The following PPIL6 variants were observed in gnomAD, a reference collection of about 807,000 sequenced individuals.
PPIL6 encodes probable inactive peptidyl-prolyl cis-trans isomerase-like 6.
A neutral mutation model predicts 36.8 loss-of-function variants in PPIL6; 39 were observed. That is an observed-to-expected ratio of 1.06 (90% CI 0.82 to 1.38). The LOEUF (loss-of-function observed/expected upper bound fraction) is 1.38, where lower values mean the gene tolerates loss of function less well. Among genes scored for constraint, PPIL6 ranks in the 40% most tolerant of loss-of-function variants. The pLI, the probability that PPIL6 is intolerant of heterozygous loss-of-function variation, is 0.00. For synonymous variants in PPIL6, 123 were observed against 134.1 expected, an observed-to-expected ratio of 0.92 and a Z score of 0.57; for missense variants, 368 against 379.1, an observed-to-expected ratio of 0.97 and a Z score of 0.24.
intron 3 of PPIL6, among the ~76,000 whole-genome samples, chr6:109,430,308 C>T (rs1774063308): frequency 6.6e-6 from 1 of 152,250 alleles, no homozygotes; most frequent in African/African-American, 2.4e-5. Context: ...ACCCCTACTG[C>T]CATCACATCC....
At chr6:109,439,907 C>T (rs1774705311) in intron 1 of PPIL6, among the ~76,000 whole-genome samples, 1 of 152,066 alleles carries the variant, frequency 6.6e-6, no homozygotes, top group Admixed American at 6.6e-5. Flanking sequence ...CCTTTAGTAT[C>T]GTTCTGAGTG....
intron 5 of PPIL6, among the ~76,000 whole-genome samples, chr6:109,420,256 C>T (rs1274739700): frequency 7.3e-6 from 1 of 136,790 alleles, no homozygotes; most frequent in Non-Finnish European, 1.5e-5. Flanking sequence ...TTGCTTGAAT[C>T]CGGGAGGCAG....
In PPIL6 at chr6:109,427,084, A is replaced by G; in HGVS notation, c.483+10T>C. The stretch of plus-strand genomic sequence containing the variant: ...ACCCCCACAAACTTACATATAAAAA[A>G]AAGTATCACCTCAAAAATCAATCTT... On this transcript the variant is annotated intron_variant, in intron 4 of 7. Transcript: ENST00000521072. 1.2e-6 allele frequency: 2 copies of G among 1,607,388 alleles called. No individual in the cohort carries two copies. The highest frequency in any genetic ancestry group is 1.7e-6 in the Non-Finnish European group (2 of 1,174,542).
At chr6:109,438,014 T>C (rs1294247175) in intron 1 of PPIL6, among the ~76,000 whole-genome samples, 3 of 152,264 alleles carry the variant, frequency 2.0e-5, no homozygotes. Flanking sequence ...GTTCCTATTC[T>C]CTACAAATTT....
chr6:109,393,418 A>C (rs550338603), intron 7 of PPIL6, among the ~76,000 whole-genome samples: 1 of 151,888 alleles, frequency 6.6e-6, no homozygotes, highest in South Asian at 2.1e-4. Context: ...TACAGATAGG[A>C]TCTTGCTATG....
intron 6 of PPIL6, chr6:109,402,977 G>A (rs1024852841): frequency 5.2e-5 from 58 of 1,111,834 alleles, no homozygotes; most frequent in South Asian, 3.2e-4. Context: ...GGTAATTTAC[G>A]TGTTATTTTG....
intron 7 of PPIL6, among the ~76,000 whole-genome samples, chr6:109,398,038 T>C (rs1335130016): frequency 6.6e-6 from 1 of 152,036 alleles, no homozygotes; most frequent in Non-Finnish European, 1.5e-5. Flanking sequence ...ACTACAGGTG[T>C]GTGCCACCAT....
intron 7 of PPIL6, among the ~76,000 whole-genome samples, chr6:109,396,909 C>A (rs1582520589): frequency 6.6e-6 from 1 of 151,798 alleles, no homozygotes; most frequent in Admixed American, 6.6e-5. Context: ...GAGGAATATT[C>A]TTTATCTCTC....
At chr6:109,393,536 T>G (rs768026526) in intron 7 of PPIL6, among the ~76,000 whole-genome samples, 2 of 152,172 alleles carry the variant, frequency 1.3e-5, no homozygotes, top group African/African-American at 2.4e-5. Flanking sequence ...AGCATGGTCT[T>G]TTAGAAATAG....
chr6:109,434,087 T>C (rs1361173169), intron 2 of PPIL6, among the ~76,000 whole-genome samples: 1 of 152,114 alleles, frequency 6.6e-6, no homozygotes, highest in East Asian at 1.9e-4. Flanking sequence ...GTAGGTCACA[T>C]AACAAGTTTG....
At chr6:109,404,268 G>A (rs946530931) in intron 6 of PPIL6, among the ~76,000 whole-genome samples, 2 of 152,184 alleles carry the variant, frequency 1.3e-5, no homozygotes, top group South Asian at 4.1e-4. Flanking sequence ...GGAGGCCCAC[G>A]TTCCATCTGA....
At chr6:109,405,010 C>T (rs770265696) in intron 6 of PPIL6, 10 of 356,714 alleles carry the variant, frequency 2.8e-5, no homozygotes, top group South Asian at 1.0e-4. Flanking sequence ...GCCGAGATCA[C>T]GCCATTGCAC....
At position 109,392,526 on chromosome 6, in the gene PPIL6, G is replaced by C. The variant is rs766977080; in HGVS notation, c.*300C>G. On this transcript the variant is annotated 3_prime_UTR_variant, in exon 8 of 8. Coordinates refer to ENST00000521072, the MANE Select transcript of PPIL6 (RefSeq NM_173672.5). ...GTAGCTCCAGCCTCTCCACATTCCA[G>C]ACTGGATGAAGGGGAAGGGGCAGGA... 17 of 256,672 alleles carry C rather than the reference G, an allele frequency of 6.6e-5. No individual in the cohort carries two copies. The highest frequency in any genetic ancestry group is 1.1e-4 in the Non-Finnish European group (15 of 136,464). 15.9% of individuals were successfully genotyped at this position (256,672 alleles called of 1,614,324 possible). A position where few individuals can be genotyped will look rare whatever the true frequency, so the allele number is the denominator to read the frequency against.
chr6:109,418,252 A>T (rs982416035), intron 6 of PPIL6: 1 of 152,998 alleles, frequency 6.5e-6, no homozygotes, highest in East Asian at 1.9e-4. Flanking sequence ...CCTGGAAGAG[A>T]GCCTTGTCAG....
intron 6 of PPIL6, among the ~76,000 whole-genome samples, chr6:109,417,149 G>A (rs1407858320): frequency 6.8e-6 from 1 of 147,432 alleles, no homozygotes; most frequent in African/African-American, 2.5e-5. Flanking sequence ...TAGCCTGGAC[G>A]ACAAAGTGAG....
chr6:109,400,443 A>G (rs183397461), intron 6 of PPIL6, among the ~76,000 whole-genome samples: 46 of 152,366 alleles, frequency 3.0e-4, no homozygotes, highest in Non-Finnish European at 2.2e-4. Context: ...AATAATGTAC[A>G]AGGAAATATA....
chr6:109,428,267 T>C (rs776591992), intron 3 of PPIL6, among the ~76,000 whole-genome samples: 1 of 152,098 alleles, frequency 6.6e-6, no homozygotes, highest in Non-Finnish European at 1.5e-5. Context: ...TTCTCCTACA[T>C]TAAAATGCCA....
intron 6 of PPIL6, among the ~76,000 whole-genome samples, chr6:109,406,854 C>T (rs1201938218): frequency 2.6e-5 from 4 of 152,130 alleles, no homozygotes; most frequent in Non-Finnish European, 4.4e-5. Context: ...TTGTGAAGCT[C>T]CAATTACTCC....
At chr6:109,430,460 G>A (rs1457234352) in intron 3 of PPIL6, among the ~76,000 whole-genome samples, 3 of 149,962 alleles carry the variant, frequency 2.0e-5, no homozygotes, top group Non-Finnish European at 4.4e-5. Context: ...ACGGAGTCTC[G>A]CTCTGCACCA....
Sources: gnomAD v4.1 joint callset for allele counts (sites outside exome capture counted in the v4.1 genomes callset) on GRCh38, gnomAD v4.1.1 for gene constraint, MANE v1.5 for transcripts, NCBI Gene and HGNC (gene_info 2026-07-23, HGNC 2026-07-21) for gene names.